PRDM16: variants seen among roughly 807,000 people sequenced by gnomAD.
PRDM16 encodes the protein PR/SET domain 16.
A neutral mutation model predicts 110.6 loss-of-function variants in PRDM16; 23 were observed. The ratio of observed to expected loss-of-function variants is 0.21; its 90% confidence interval spans 0.15 to 0.29. The LOEUF is 0.29. Among genes scored for constraint, PRDM16 ranks in the 10% least tolerant of loss-of-function variants. PRDM16 has a pLI of 1.00. For missense variants in PRDM16, 1,615 were observed against 1,794.3 expected (o/e 0.90, Z 1.81); for synonymous variants, 799 against 781.8 (o/e 1.02, Z -0.37).
rs758643645 is a variant in PRDM16, at chr1:3,412,847, G to A, written c.2603+47G>A. 4.8e-5 allele frequency: 66 copies of A among 1,381,208 alleles called. 1 individual carries two copies. Among genetic ancestry groups the A allele is most frequent in the Middle Eastern group, 2.0e-4 (1 of 4,992 alleles). 85.6% of individuals were successfully genotyped at this position (1,381,208 alleles called of 1,614,324 possible). ...CTGGCTCTCCCTGGGGCGGGGCCGCGGCGGTGCTGGGCGGGCTCAGTGCAT... is the reference window on the plus strand; with the variant it reads ...CTGGCTCTCCCTGGGGCGGGGCCGCAGCGGTGCTGGGCGGGCTCAGTGCAT... On this transcript the variant is annotated intron_variant, in intron 9 of 16. Transcript: ENST00000270722.
At chr1:3,397,583 C>T (rs2100632505) in intron 5 of PRDM16, among the ~76,000 whole-genome samples, 1 of 152,366 alleles carries the variant, frequency 6.6e-6, no homozygotes, top group South Asian at 2.1e-4. Context: ...AGGGTTCGAG[C>T]CTAACTGCTT....
intron 3 of PRDM16, among the ~76,000 whole-genome samples, chr1:3,286,447 C>A (rs1227290756): frequency 6.6e-6 from 1 of 152,130 alleles, no homozygotes; most frequent in Non-Finnish European, 1.5e-5. Flanking sequence ...CCCATCAGCA[C>A]CTGCTCTGCT....
chr1:3,198,056 G>A (rs1638524857), intron 2 of PRDM16, among the ~76,000 whole-genome samples: 1 of 152,208 alleles, frequency 6.6e-6, no homozygotes, highest in Admixed American at 6.5e-5. Flanking sequence ...TGACGCAACT[G>A]CTCACAGGCC....
At chr1:3,111,390 T>C (rs1642788365) in intron 1 of PRDM16, among the ~76,000 whole-genome samples, 1 of 79,642 alleles carries the variant, frequency 1.3e-5, no homozygotes. Context: ...AGTCCACACA[T>C]GGAGGCAGGA....
intron 3 of PRDM16, among the ~76,000 whole-genome samples, chr1:3,380,717 G>A (rs11584942): frequency 0.04 from 6,057 of 152,238 alleles, 155 homozygotes; most frequent in Middle Eastern, 0.082. Flanking sequence ...CAGGCCGCAC[G>A]CAAATACCTG....
Position 3,171,505 on chromosome 1 carries a change from G to A in PRDM16, c.38-14620G>A, listed in dbSNP as rs189912931. ...CGCAGGTGCTCTGGCAGCTGGCAGA[G>A]GTGGCCATCCCAGGGTCACTGGCCA... On this transcript the variant is annotated intron_variant, in intron 1 of 16. Coordinates refer to ENST00000270722, the MANE Select transcript of PRDM16 (RefSeq NM_022114.4). Among the ~76,000 whole-genome samples the A allele has an allele frequency of 9.5e-4, 145 of 152,316 alleles. 1 individual carries two copies. The highest frequency in any genetic ancestry group is 3.3e-3 in the African/African-American group (139 of 41,582).
chr1:3,415,721 C>T (rs1638230390), intron 10 of PRDM16, among the ~76,000 whole-genome samples: 1 of 152,220 alleles, frequency 6.6e-6, no homozygotes, highest in Non-Finnish European at 1.5e-5. Context: ...TTCCATTGTC[C>T]CTCCTGCCCG....
rs1271317548 is a variant in PRDM16 at position 3,353,163 on chromosome 1, A to C, written c.439-31989A>C. On this transcript the variant is annotated intron_variant, in intron 3 of 16. Coordinates refer to ENST00000270722, the MANE Select transcript of PRDM16 (RefSeq NM_022114.4). This position sits in a 1 kb window ranked among gnomAD's most constrained non-coding sequence, Gnocchi z 5.4. Reference sequence around the variant, plus strand: ...ACGCAGGGACGTCCCTCACAGCAGGATTTGCTGCTTCCTCCTGACCAATGC... The same window carrying C: ...ACGCAGGGACGTCCCTCACAGCAGGCTTTGCTGCTTCCTCCTGACCAATGC... 1.3e-5 allele frequency among the ~76,000 whole-genome samples: 2 copies of C among 152,182 alleles called. No homozygotes were observed. Among genetic ancestry groups the C allele is most frequent in the Non-Finnish European group, 2.9e-5 (2 of 68,026 alleles).
At chr1:3,126,882 C>T (rs951041422) in intron 1 of PRDM16, among the ~76,000 whole-genome samples, 8 of 152,196 alleles carry the variant, frequency 5.3e-5, no homozygotes, top group East Asian at 1.9e-4. Context: ...GTGTCAGGCC[C>T]GGGCCCGCTG....
At chr1:3,335,591 G>C (rs1479101200) in intron 3 of PRDM16, among the ~76,000 whole-genome samples, 1 of 113,634 alleles carries the variant, frequency 8.8e-6, no homozygotes. Flanking sequence ...CTAACCTTTG[G>C]CTGAGGTTAA....
intron 3 of PRDM16, among the ~76,000 whole-genome samples, chr1:3,340,486 A>G (rs925243193): frequency 6.6e-6 from 1 of 152,230 alleles, no homozygotes; most frequent in South Asian, 2.1e-4. Context: ...GATGTCTGGA[A>G]CATTCCGAGG....
intron 3 of PRDM16, among the ~76,000 whole-genome samples, chr1:3,316,452 C>CT (rs543468288): frequency 3.7e-4 from 56 of 152,328 alleles, no homozygotes; most frequent in African/African-American, 1.3e-3. Context: ...ATGGTATACA[C>CT]TAAGTACTGG....
intron 3 of PRDM16, among the ~76,000 whole-genome samples, chr1:3,376,352 C>T (rs879909246): frequency 9.9e-5 from 15 of 152,212 alleles, no homozygotes; most frequent in African/African-American, 1.4e-4. Context: ...AAAGCAGAGC[C>T]CCCCAGGCGT....
At chr1:3,431,774 C>T (rs1473425550) in intron 15 of PRDM16, among the ~76,000 whole-genome samples, 192 bp from the exon 16 acceptor site, 9 of 152,252 alleles carry the variant, frequency 5.9e-5, no homozygotes, top group South Asian at 2.1e-4. Flanking sequence ...GACCTCTGTC[C>T]GTCACTCTCC....
intron 2 of PRDM16, among the ~76,000 whole-genome samples, chr1:3,241,293 G>C (rs539636464): frequency 2.6e-5 from 4 of 152,366 alleles, no homozygotes; most frequent in African/African-American, 9.6e-5. Context: ...GGGCAGCTGG[G>C]GGGGCTCTGC....
intron 3 of PRDM16, among the ~76,000 whole-genome samples, chr1:3,313,449 T>C (rs1389751126): frequency 6.6e-6 from 1 of 152,042 alleles, no homozygotes; most frequent in African/African-American, 2.4e-5. Context: ...CTGAGAGTGA[T>C]CCCCGGGCAG....
At chr1:3,279,969 A>C (rs530267889) in intron 3 of PRDM16, among the ~76,000 whole-genome samples, 2 of 152,062 alleles carry the variant, frequency 1.3e-5, no homozygotes, top group Non-Finnish European at 2.9e-5. Flanking sequence ...AACCTCATGG[A>C]ATCCCGAGTC....
In PRDM16 at chr1:3,143,569, C is replaced by G. The variant is rs886676107; in HGVS notation, c.38-42556C>G. Among the ~76,000 whole-genome samples, 12 of 152,178 alleles carry G rather than the reference C, an allele frequency of 7.9e-5. No individual in the cohort carries two copies. The highest frequency in any genetic ancestry group is 1.0e-4 in the Non-Finnish European group (7 of 68,042). ...CTCCGCTCACTGCAGTCTCTGCCTC[C>G]CGGGTTCAAGGATTCTCCTGCCTCA... On this transcript the variant is annotated intron_variant, in intron 1 of 16. Coordinates refer to ENST00000270722, the MANE Select transcript of PRDM16 (RefSeq NM_022114.4). This position sits in a 1 kb window ranked among gnomAD's most constrained non-coding sequence, Gnocchi z 4.5.
In PRDM16 at chr1:3,433,882, C is replaced by A; in HGVS notation, c.*71C>A. On this transcript the variant is annotated 3_prime_UTR_variant, in exon 17 of 17. Coordinates refer to ENST00000270722, the MANE Select transcript of PRDM16 (RefSeq NM_022114.4). ...CACGAAGGACGGAGGCGGGCGGGGCCCCGGAGAACCCTGTCCCTGCGTGTG... is the reference window on the plus strand; with the variant it reads ...CACGAAGGACGGAGGCGGGCGGGGCACCGGAGAACCCTGTCCCTGCGTGTG... 6.5e-7 allele frequency: 1 copy of A among 1,531,528 alleles called. No individual in the cohort carries two copies. The allele number at this position is 1,531,528 out of a possible 1,614,324, so 94.9% of individuals were successfully genotyped here. A position where few individuals can be genotyped will look rare whatever the true frequency, so the allele number is the denominator to read the frequency against.
Sources: gnomAD v4.1 joint callset for allele counts (sites outside exome capture counted in the v4.1 genomes callset) on GRCh38, gnomAD v4.1.1 for gene constraint, Gnocchi (gnomAD v3.1) non-coding constraint, MANE v1.5 for transcripts, NCBI Gene and HGNC (gene_info 2026-07-23, HGNC 2026-07-21) for gene names.